The following SPECC1L variants were observed in gnomAD, a reference collection of about 807,000 sequenced individuals.
The protein encoded by SPECC1L is cytospin-A.
Under a neutral mutation model 116.8 loss-of-function variants are expected in SPECC1L, and 40 were observed. That is an observed-to-expected ratio of 0.34 (90% confidence interval 0.27 to 0.45). The LOEUF is 0.45. Ranked by LOEUF, SPECC1L falls within the 20% of genes least tolerant of loss-of-function variation. The pLI is 1.00. For synonymous variants in SPECC1L, 504 were observed against 500.6 expected, an observed-to-expected ratio of 1.01 and a Z score of -0.09; for missense variants, 1,110 against 1,373.6, an observed-to-expected ratio of 0.81 and a Z score of 3.03.
chr22:24,301,548 A>G (rs762331073), intron 2 of SPECC1L, among the ~76,000 whole-genome samples: 4 of 152,202 alleles, frequency 2.6e-5, no homozygotes, highest in African/African-American at 4.8e-5. Context: ...CACAAAGCCT[A>G]TTTTGTAATA....
chr22:24,272,798 AT>A (rs1190634876), intron 1 of SPECC1L, among the ~76,000 whole-genome samples: 2 of 152,138 alleles, frequency 1.3e-5, no homozygotes, highest in African/African-American at 4.8e-5. Flanking sequence ...CTAATCCAGT[AT>A]TTTTTTCCTC....
At chr22:24,271,681 GAAATCAGTTT>G (rs1047488516) in intron 1 of SPECC1L, among the ~76,000 whole-genome samples, 2 of 152,236 alleles carry the variant, frequency 1.3e-5, no homozygotes, top group Non-Finnish European at 2.9e-5. Context: ...ATGACGAAAA[GAAATCAGTTT>G]CCAGTAGTTT....
intron 14 of SPECC1L, among the ~76,000 whole-genome samples, chr22:24,388,838 T>A (rs1303741592): frequency 1.3e-5 from 2 of 152,222 alleles, no homozygotes; most frequent in Admixed American, 1.3e-4. Context: ...TGTGTTATTT[T>A]TTTTACAACT....
chr22:24,285,995 C>T (rs752827309), intron 2 of SPECC1L, among the ~76,000 whole-genome samples: 4 of 152,160 alleles, frequency 2.6e-5, no homozygotes, highest in Non-Finnish European at 5.9e-5. Context: ...TCCTTAAAAG[C>T]GATTGTTTAT....
At chr22:24,397,656 T>A (rs146573942) in intron 14 of SPECC1L, among the ~76,000 whole-genome samples, 1 of 152,374 alleles carries the variant, frequency 6.6e-6, no homozygotes, top group East Asian at 1.9e-4. Context: ...AGTCTCAGTT[T>A]GGTAGCTTAT....
At chr22:24,410,937 C>A (rs755062989) in intron 14 of SPECC1L, among the ~76,000 whole-genome samples, 1 of 152,010 alleles carries the variant, frequency 6.6e-6, no homozygotes, top group Non-Finnish European at 1.5e-5. Flanking sequence ...ACCTATAATC[C>A]CAGCACTTCG....
chr22:24,321,852 A>C lies in SPECC1L; in HGVS notation c.872A>C (p.Tyr291Ser), dbSNP rs200014648. 7 of 1,614,114 alleles carry C rather than the reference A, an allele frequency of 4.3e-6. No homozygotes were observed. The African/African-American group carries it at 6.7e-5, about 15-fold the overall frequency. Residue 291 changes from tyrosine (Y) to serine (S), a missense_variant, in exon 5 of 17, where the codon TAT becomes TCT. Tyr to Ser is a moderately radical substitution (Grantham distance 144). This residue lies in a region of SPECC1L where 437 missense variants were observed against 482.6 expected (regional missense o/e 0.91). Transcript: ENST00000314328. ...RLDNSEKLFGYQSLSPEITPG... is the reference protein window; with the variant it reads ...RLDNSEKLFGSQSLSPEITPG... The stretch of plus-strand genomic sequence containing the variant: ...GACAATTCTGAAAAACTGTTTGGCT[A>C]TCAGTCCCTGAGCCCAGAAATCACC...
chr22:24,320,307 A>C (rs2040695434), intron 4 of SPECC1L, among the ~76,000 whole-genome samples: 1 of 152,160 alleles, frequency 6.6e-6, no homozygotes, highest in Non-Finnish European at 1.5e-5. Flanking sequence ...GAACAAAAAA[A>C]ACTTCCTGTT....
At chr22:24,394,697 A>G (rs931154662) in intron 14 of SPECC1L, among the ~76,000 whole-genome samples, 2 of 152,198 alleles carry the variant, frequency 1.3e-5, no homozygotes, top group African/African-American at 2.4e-5. Context: ...TGCCAAGACC[A>G]TGTGGTCAGC....
At chr22:24,408,855 A>AGCCTCGTGATCCTCC (rs2146809566) in intron 14 of SPECC1L, among the ~76,000 whole-genome samples, 1 of 152,358 alleles carries the variant, frequency 6.6e-6, no homozygotes, top group Admixed American at 6.5e-5. Flanking sequence ...ATGAGAAGTC[A>AGCCTCGTGATCCTCC]GCCTCGTGAT....
At chr22:24,384,837 G>A (rs1435287791) in intron 14 of SPECC1L, among the ~76,000 whole-genome samples, 7 of 152,274 alleles carry the variant, frequency 4.6e-5, no homozygotes, top group Admixed American at 2.6e-4. Context: ...AGCACTTTGG[G>A]AGGCCAAGGT....
intron 15 of SPECC1L, chr22:24,412,310 T>A: frequency 2.6e-6 from 1 of 391,948 alleles, no homozygotes. Flanking sequence ...CGAAGATCCC[T>A]GTGGGGGAAG....
At chr22:24,316,901 CG>C (rs1356178474) in intron 4 of SPECC1L, among the ~76,000 whole-genome samples, 4 of 122,470 alleles carry the variant, frequency 3.3e-5, no homozygotes, top group African/African-American at 5.9e-5. Flanking sequence ...GCTGGCCGGG[CG>C]GGGGGCTGAC....
At chr22:24,345,810 G>A (rs1371063008) in intron 10 of SPECC1L, among the ~76,000 whole-genome samples, 1 of 152,138 alleles carries the variant, frequency 6.6e-6, no homozygotes, top group Non-Finnish European at 1.5e-5. Flanking sequence ...ATTTCTGATG[G>A]GAATATGAAA....
chr22:24,382,114 CTG>C (rs1485777466), intron 14 of SPECC1L, among the ~76,000 whole-genome samples: 3 of 152,100 alleles, frequency 2.0e-5, no homozygotes, highest in African/African-American at 4.8e-5. Context: ...ACTGTAAAAA[CTG>C]TTTAAAATAC....
At chr22:24,383,593 C>T (rs866573495) in intron 14 of SPECC1L, among the ~76,000 whole-genome samples, 1 of 151,872 alleles carries the variant, frequency 6.6e-6, no homozygotes. Context: ...AGAGTTTTAC[C>T]GGAGAACTGG....
intron 2 of SPECC1L, among the ~76,000 whole-genome samples, chr22:24,301,345 T>G (rs5760326): frequency 5.3e-5 from 8 of 152,268 alleles, no homozygotes; most frequent in African/African-American, 1.2e-4. Context: ...TTACGTGGTC[T>G]TCTTTTATTT....
intron 14 of SPECC1L, among the ~76,000 whole-genome samples, chr22:24,390,067 C>T (rs1174316456): frequency 6.6e-6 from 1 of 151,956 alleles, no homozygotes; most frequent in Non-Finnish European, 1.5e-5. Context: ...CACATGTCAT[C>T]CCTCTTTCCC....
chr22:24,303,303 C>T (rs555849012), intron 3 of SPECC1L, among the ~76,000 whole-genome samples: 3 of 152,222 alleles, frequency 2.0e-5, no homozygotes, highest in East Asian at 1.9e-4. Flanking sequence ...TCCCTTGGCT[C>T]GGAGATGCAC....
Sources: allele counts gnomAD v4.1 joint callset (sites outside exome capture counted in the v4.1 genomes callset), GRCh38; gene constraint gnomAD v4.1.1; regional missense constraint gnomAD v4.1.1; transcripts MANE v1.5; gene names NCBI Gene and HGNC (gene_info 2026-07-23, HGNC 2026-07-21).